DCBLD2: variants seen among roughly 807,000 people sequenced by gnomAD.
DCBLD2 encodes discoidin, CUB and LCCL domain-containing protein 2.
In DCBLD2, 54 loss-of-function variants were observed where a neutral mutation model predicts 86.8. That is an observed-to-expected ratio of 0.62 (90% confidence interval 0.50 to 0.78). The LOEUF is 0.78. DCBLD2 is among the 30% of genes least tolerant of loss of function. The pLI is 0.00. For missense variants in DCBLD2, 908 were observed against 954.2 expected (o/e 0.95, Z 0.64); for synonymous variants, 354 against 341.3 (o/e 1.04, Z -0.41).
At chr3:98,865,289 A>G (rs1204442796) in intron 2 of DCBLD2, among the ~76,000 whole-genome samples, 1 of 152,174 alleles carries the variant, frequency 6.6e-6, no homozygotes, top group African/African-American at 2.4e-5. Flanking sequence ...CCTGTATTAA[A>G]AAAAAAAGAA....
intron 1 of DCBLD2, among the ~76,000 whole-genome samples, chr3:98,895,754 G>A (rs1943741351): frequency 1.3e-5 from 2 of 151,872 alleles, no homozygotes; most frequent in Non-Finnish European, 2.9e-5. Flanking sequence ...ATCCTTCCTT[G>A]GTTATTATTA....
At chr3:98,870,163 T>C (rs1943233047) in intron 2 of DCBLD2, among the ~76,000 whole-genome samples, 1 of 152,206 alleles carries the variant, frequency 6.6e-6, no homozygotes, top group Non-Finnish European at 1.5e-5. Context: ...TGTATGGCTA[T>C]CCAATTTTCC....
chr3:98,881,128 C>A (rs967351624), intron 2 of DCBLD2, among the ~76,000 whole-genome samples: 2 of 151,576 alleles, frequency 1.3e-5, no homozygotes, highest in African/African-American at 2.4e-5. Context: ...TGGTGGCGAG[C>A]GCCTGTAATC....
chr3:98,833,881 C>T (rs1942370845), intron 3 of DCBLD2, among the ~76,000 whole-genome samples: 1 of 152,156 alleles, frequency 6.6e-6, no homozygotes, highest in South Asian at 2.1e-4. Flanking sequence ...CTCCAAAGTC[C>T]CAGTGAAGGG....
chr3:98,841,040 T>C (rs1229395129), intron 3 of DCBLD2, among the ~76,000 whole-genome samples: 3 of 152,186 alleles, frequency 2.0e-5, no homozygotes, highest in Admixed American at 6.5e-5. Flanking sequence ...GTGTTGAATA[T>C]ACACTAGTCT....
chr3:98,857,365 TGCCACTGCTGGCTC>T (rs939899733), intron 2 of DCBLD2, among the ~76,000 whole-genome samples: 2 of 152,342 alleles, frequency 1.3e-5, no homozygotes, highest in East Asian at 1.9e-4. Flanking sequence ...CAAGCTGGGT[TGCCACTGCTGGCTC>T]GCCACTGCTG....
rs1941622943 is a variant in DCBLD2 at position 98,797,231 on chromosome 3, CG to C, written c.*2140del. 6.6e-6 allele frequency: 1 copy of C among 150,400 alleles called. No individual in the cohort carries two copies. The highest frequency in any genetic ancestry group is 1.5e-5 in the Non-Finnish European group (1 of 67,592). 9.3% of individuals were successfully genotyped at this position (150,400 alleles called of 1,614,324 possible). A position where few individuals can be genotyped will look rare whatever the true frequency, so the allele number is the denominator to read the frequency against. On this transcript the variant is annotated 3_prime_UTR_variant, in exon 16 of 16. Transcript: ENST00000326840. Reference sequence around the variant, plus strand: ...AGGATAGCACAGTGGCAATATGAATCGAGTCTTAAAATATGCATCATTTCAG... The same window carrying C: ...AGGATAGCACAGTGGCAATATGAATCAGTCTTAAAATATGCATCATTTCAG...
chr3:98,835,539 T>C (rs1341290173), intron 3 of DCBLD2, among the ~76,000 whole-genome samples: 2 of 150,692 alleles, frequency 1.3e-5, no homozygotes, highest in Non-Finnish European at 3.0e-5. Flanking sequence ...CTCCGTATGC[T>C]ATTTTTTTTT....
intron 3 of DCBLD2, among the ~76,000 whole-genome samples, chr3:98,827,931 T>C (rs1942250341): frequency 6.6e-6 from 1 of 152,150 alleles, no homozygotes; most frequent in South Asian, 2.1e-4. Context: ...CTCAAATTTA[T>C]AGTCAACTGA....
intron 2 of DCBLD2, among the ~76,000 whole-genome samples, chr3:98,859,938 G>T (rs1231512003): frequency 2.6e-5 from 4 of 152,194 alleles, no homozygotes; most frequent in Non-Finnish European, 5.9e-5. Flanking sequence ...GCTAAAGGAA[G>T]AAGTTTGAAC....
At chr3:98,818,432 T>C (rs915787219) in intron 8 of DCBLD2, among the ~76,000 whole-genome samples, 1 of 152,190 alleles carries the variant, frequency 6.6e-6, no homozygotes, top group Non-Finnish European at 1.5e-5. Context: ...AAGACCACTT[T>C]ACTGAAACAC....
chr3:98,800,840 C>T, intron 14 of DCBLD2, 124 bp from the exon 15 acceptor site: 2 of 1,319,522 alleles, frequency 1.5e-6, no homozygotes, highest in Non-Finnish European at 2.1e-6. Flanking sequence ...ACAAACTTGC[C>T]TTTATAATCC....
chr3:98,841,466 A>G (rs957858995), intron 3 of DCBLD2, among the ~76,000 whole-genome samples: 5 of 152,338 alleles, frequency 3.3e-5, no homozygotes, highest in Middle Eastern at 3.4e-3. Context: ...TCTTATGTTG[A>G]CCCATATATA....
chr3:98,825,256 G>GT, intron 4 of DCBLD2, 59 bp downstream of exon 4: 1 of 1,220,188 alleles, frequency 8.2e-7, no homozygotes, highest in East Asian at 2.9e-5. Flanking sequence ...AAATGAAGAA[G>GT]TGAATGAAAA....
chr3:98,877,719 TA>T (rs796863306), intron 2 of DCBLD2, among the ~76,000 whole-genome samples: 1 of 152,114 alleles, frequency 6.6e-6, no homozygotes, highest in South Asian at 2.1e-4. Flanking sequence ...CATTCTCCAC[TA>T]AAAAGAACCA....
At chr3:98,862,322 G>C (rs1943058809) in intron 2 of DCBLD2, among the ~76,000 whole-genome samples, 2 of 152,140 alleles carry the variant, frequency 1.3e-5, no homozygotes, top group South Asian at 4.1e-4. Context: ...CTTTCTGAAA[G>C]TATTCCAATC....
chr3:98,897,553 C>A (rs1422992054), intron 1 of DCBLD2, among the ~76,000 whole-genome samples: 1 of 152,080 alleles, frequency 6.6e-6, no homozygotes. Flanking sequence ...TGGCAACTCA[C>A]AAATATTGTT....
At chr3:98,835,898 G>A (rs1421423494) in intron 3 of DCBLD2, among the ~76,000 whole-genome samples, 1 of 136,032 alleles carries the variant, frequency 7.4e-6, no homozygotes, top group African/African-American at 2.7e-5. Flanking sequence ...GGGAGGAGAT[G>A]AATTTTTCTT....
chr3:98,831,979 A>G (rs1472638689), intron 3 of DCBLD2, among the ~76,000 whole-genome samples: 1 of 152,134 alleles, frequency 6.6e-6, no homozygotes, highest in Non-Finnish European at 1.5e-5. Context: ...TGTTGAGTTT[A>G]GGTCCTGAAT....
Sources: gnomAD v4.1 joint callset for allele counts (sites outside exome capture counted in the v4.1 genomes callset) on GRCh38, gnomAD v4.1.1 for gene constraint, MANE v1.5 for transcripts, NCBI Gene and HGNC (gene_info 2026-07-23, HGNC 2026-07-21) for gene names.